The following UMAD1 variants were observed in gnomAD, a reference collection of about 807,000 sequenced individuals.
UMAD1 encodes UBAP1-MVB12-associated (UMA) domain containing 1.
In UMAD1, 8 loss-of-function variants were observed where a neutral mutation model predicts 6.1. The ratio of observed to expected loss-of-function variants is 1.30; its 90% CI spans 0.76 to 2.35. The LOEUF is 2.35. Among genes scored for constraint, UMAD1 ranks in the 30% most tolerant of loss-of-function variants. The pLI, the probability that UMAD1 is intolerant of heterozygous loss-of-function variation, is 0.00. For synonymous variants in UMAD1, 56 were observed against 31.4 expected (o/e 1.78, Z -2.61); for missense variants, 130 against 78.4 (o/e 1.66, Z -2.49).
intron 2 of UMAD1, among the ~76,000 whole-genome samples, chr7:7,720,587 T>A (rs1781027280): frequency 6.6e-6 from 1 of 152,174 alleles, no homozygotes; most frequent in Non-Finnish European, 1.5e-5. Context: ...TTCACTGTCA[T>A]CAAAAGAAAT....
chr7:7,673,796 G>A (rs1278948443), intron 2 of UMAD1, among the ~76,000 whole-genome samples: 2 of 151,178 alleles, frequency 1.3e-5, no homozygotes, highest in African/African-American at 2.4e-5. Context: ...TACTAACCTT[G>A]TTTCATAAAT....
intron 1 of UMAD1, among the ~76,000 whole-genome samples, chr7:7,648,166 G>C (rs1239829062): frequency 2.6e-5 from 4 of 152,150 alleles, no homozygotes; most frequent in African/African-American, 9.7e-5. Context: ...AAGTCATTTC[G>C]TTCTAAATCA....
At chr7:7,671,005 C>G (rs1313127293) in intron 1 of UMAD1, among the ~76,000 whole-genome samples, 1 of 152,164 alleles carries the variant, frequency 6.6e-6, no homozygotes, top group Non-Finnish European at 1.5e-5. Context: ...ACTTCCTTGG[C>G]TACAACGGAA....
chr7:7,787,346 C>G (rs192678526), intron 2 of UMAD1, among the ~76,000 whole-genome samples: 1 of 152,192 alleles, frequency 6.6e-6, no homozygotes, highest in East Asian at 1.9e-4. Context: ...TGAAATGACT[C>G]CAGATTTTTT....
chr7:7,670,190 T>A (rs535515724), intron 1 of UMAD1, among the ~76,000 whole-genome samples: 1 of 152,298 alleles, frequency 6.6e-6, no homozygotes, highest in South Asian at 2.1e-4. Flanking sequence ...AACTTAAACT[T>A]TTGGGGTTGG....
chr7:7,724,541 G>T (rs1419938687), intron 2 of UMAD1, among the ~76,000 whole-genome samples: 1 of 152,170 alleles, frequency 6.6e-6, no homozygotes, highest in East Asian at 1.9e-4. Context: ...TCCCTGGAAG[G>T]ATTGCAGGGA....
At chr7:7,850,829 A>ATTTT (rs1409701574) in intron 3 of UMAD1, among the ~76,000 whole-genome samples, 2 of 152,148 alleles carry the variant, frequency 1.3e-5, no homozygotes, top group African/African-American at 4.8e-5. Context: ...ACAAAGGTGT[A>ATTTT]TTAGTGATTT....
intron 1 of UMAD1, among the ~76,000 whole-genome samples, chr7:7,663,248 G>A (rs889558944): frequency 6.8e-6 from 1 of 147,126 alleles, no homozygotes; most frequent in Non-Finnish European, 1.5e-5. Flanking sequence ...GGAACTTGCA[G>A]TTTGAAGCAA....
At chr7:7,870,947 C>G (rs1563275651) in intron 3 of UMAD1, among the ~76,000 whole-genome samples, 1 of 152,176 alleles carries the variant, frequency 6.6e-6, no homozygotes, top group Non-Finnish European at 1.5e-5. Context: ...TTTTTAAAAA[C>G]TTAATTATGA....
intron 3 of UMAD1, among the ~76,000 whole-genome samples, chr7:7,845,357 A>T (rs2115318521): frequency 6.6e-6 from 1 of 152,164 alleles, no homozygotes; most frequent in South Asian, 2.1e-4. Flanking sequence ...CTCTATAGGG[A>T]TCAAGATCTT....
rs146778162 is a variant in UMAD1 at position 7,762,941 on chromosome 7, C to T, written c.83-38729C>T. Among the ~76,000 whole-genome samples the T allele has an allele frequency of 2.3e-3, 351 of 152,000 alleles. 1 individual carries two copies. Among genetic ancestry groups the T allele is most frequent in the Middle Eastern group, 0.014 (4 of 294 alleles). On this transcript the variant is annotated intron_variant, in intron 2 of 3. Coordinates refer to ENST00000682710, the MANE Select transcript of UMAD1 (RefSeq NM_001302348.2). ...TTTGATTGTTTTAAATGCTTTTAAG[C>T]CGGCACTCTTAAACGAAAATAGAGA...
intron 2 of UMAD1, among the ~76,000 whole-genome samples, chr7:7,710,747 A>G (rs554066062): frequency 6.6e-6 from 1 of 152,358 alleles, no homozygotes; most frequent in Middle Eastern, 3.4e-3. Flanking sequence ...CTGAGTATTT[A>G]TAGCAATTTT....
chr7:7,810,011 G>A (rs1782992219), intron 3 of UMAD1, among the ~76,000 whole-genome samples: 1 of 151,926 alleles, frequency 6.6e-6, no homozygotes, highest in African/African-American at 2.4e-5. Context: ...GAAAGGAATT[G>A]GGGACTCAAA....
intron 2 of UMAD1, among the ~76,000 whole-genome samples, chr7:7,715,913 A>C (rs867114761): frequency 6.6e-6 from 1 of 152,248 alleles, no homozygotes; most frequent in African/African-American, 2.4e-5. Flanking sequence ...ACTTTGGTGA[A>C]AACTATCACT....
At chr7:7,847,925 C>A (rs1783841563) in intron 3 of UMAD1, among the ~76,000 whole-genome samples, 1 of 152,064 alleles carries the variant, frequency 6.6e-6, no homozygotes, top group South Asian at 2.1e-4. Flanking sequence ...TTGGTTTTTT[C>A]TACATGTAGC....
chr7:7,756,051 G>A (rs1438431693), intron 2 of UMAD1, among the ~76,000 whole-genome samples: 2 of 152,322 alleles, frequency 1.3e-5, no homozygotes, highest in East Asian at 3.9e-4. Context: ...GGGAGCGGGG[G>A]ACTCAAGAAA....
chr7:7,684,067 T>A (rs770543820), intron 2 of UMAD1, among the ~76,000 whole-genome samples: 2 of 152,216 alleles, frequency 1.3e-5, no homozygotes, highest in Non-Finnish European at 2.9e-5. Context: ...CCTACATACA[T>A]CCTCCCATAT....
intron 2 of UMAD1, among the ~76,000 whole-genome samples, chr7:7,726,286 A>T (rs1781136741): frequency 6.6e-6 from 1 of 152,192 alleles, no homozygotes; most frequent in East Asian, 1.9e-4. Flanking sequence ...ATCCACCATC[A>T]TGGTATTCCA....
intron 2 of UMAD1, among the ~76,000 whole-genome samples, chr7:7,770,854 C>T (rs1234101857): frequency 6.6e-6 from 1 of 151,994 alleles, no homozygotes; most frequent in Non-Finnish European, 1.5e-5. Context: ...TTGGAGAAAT[C>T]AGGTAAGCAG....
Sources: allele counts gnomAD v4.1 joint callset (sites outside exome capture counted in the v4.1 genomes callset), GRCh38; gene constraint gnomAD v4.1.1; transcripts MANE v1.5; gene names NCBI Gene and HGNC (gene_info 2026-07-23, HGNC 2026-07-21).